Variants in FANCI observed in about 807,000 individuals in gnomAD.
The protein encoded by FANCI is FA complementation group I.
Under a neutral mutation model 176.1 loss-of-function variants are expected in FANCI, and 156 were observed. The observed-to-expected ratio is 0.89, with a 90% CI of 0.78 to 1.01. FANCI has a LOEUF of 1.01. FANCI is among the 50% of genes least tolerant of loss of function. The pLI is 0.00. For missense variants in FANCI, 1,678 were observed against 1,534.1 expected, an observed-to-expected ratio of 1.09 and a Z score of -1.57; for synonymous variants, 613 against 541.7, an observed-to-expected ratio of 1.13 and a Z score of -1.83.
chr15:89,309,644 G>T (rs970338695), intron 34 of FANCI, among the ~76,000 whole-genome samples: 1 of 152,140 alleles, frequency 6.6e-6, no homozygotes, highest in Non-Finnish European at 1.5e-5. Context: ...GATCACTTGA[G>T]CCTAGGACTT....
chr15:89,270,484 A>T (rs1319013062), intron 10 of FANCI, among the ~76,000 whole-genome samples: 1 of 152,116 alleles, frequency 6.6e-6, no homozygotes, highest in East Asian at 1.9e-4. Flanking sequence ...ATCAGTAATT[A>T]TACCAGGAAT....
At chr15:89,303,196 A>G (rs2054589232) in intron 27 of FANCI, among the ~76,000 whole-genome samples, 1 of 152,132 alleles carries the variant, frequency 6.6e-6, no homozygotes, top group Non-Finnish European at 1.5e-5. Flanking sequence ...TAGCCTCTTA[A>G]TTTACCTTTT....
At chr15:89,301,212 G>A (rs2054513927) in intron 26 of FANCI, 114 bp from the exon 27 acceptor site, 1 of 790,822 alleles carries the variant, frequency 1.3e-6, no homozygotes, top group Non-Finnish European at 2.3e-6. Flanking sequence ...TTAGAATTTT[G>A]GTAGCTTTGA....
At chr15:89,250,196 A>G (rs2052177174) in intron 2 of FANCI, among the ~76,000 whole-genome samples, 1 of 152,352 alleles carries the variant, frequency 6.6e-6, no homozygotes, top group Admixed American at 6.5e-5. Context: ...ATTACTGGGT[A>G]TATACCCAAA....
At position 89,305,131 on chromosome 15, in the gene FANCI, C is replaced by T. The variant is rs1322125426; in HGVS notation, c.3075C>T (p.Cys1025=). The T allele has an allele frequency of 3.1e-6, 5 of 1,614,180 alleles. No individual in the cohort carries two copies. The highest frequency in any genetic ancestry group is 1.1e-5 in the South Asian group (1 of 91,072). Residue 1025 remains cysteine (C), a synonymous_variant, in exon 29 of 38, where the codon TGC becomes TGT. Coordinates refer to ENST00000310775, the MANE Select transcript of FANCI (RefSeq NM_001113378.2). ...TATTCCTAGAGGATGCCTTGTTTTG[C>T]AAGAGCTTGATGAACTTGCTCTTCA... is the stretch of plus-strand genomic sequence containing the variant. ...KENSREDALF[C]KSLMNLLFSL...
chr15:89,293,581 G>C (rs181267797), intron 22 of FANCI, among the ~76,000 whole-genome samples: 1 of 152,128 alleles, frequency 6.6e-6, no homozygotes, highest in East Asian at 1.9e-4. Context: ...CTAGCTACTC[G>C]GGAGGCTGAG....
intron 6 of FANCI, among the ~76,000 whole-genome samples, chr15:89,262,426 AACTATG>A (rs2052753163): frequency 6.6e-6 from 1 of 152,186 alleles, no homozygotes; most frequent in Non-Finnish European, 1.5e-5. Flanking sequence ...GAGACATGTA[AACTATG>A]TAAGTTAAGG....
intron 18 of FANCI, among the ~76,000 whole-genome samples, chr15:89,286,849 A>C (rs1567161205): frequency 6.6e-6 from 1 of 152,190 alleles, no homozygotes; most frequent in African/African-American, 2.4e-5. Context: ...TCTTCTTCCA[A>C]TATAAGGCTA....
intron 3 of FANCI, among the ~76,000 whole-genome samples, chr15:89,259,640 T>C (rs1185961854): frequency 6.6e-6 from 1 of 152,182 alleles, no homozygotes; most frequent in Non-Finnish European, 1.5e-5. Context: ...CTCTTAGATG[T>C]CACCTCTCCA....
At chr15:89,262,340 G>C (rs6496570) in intron 6 of FANCI, among the ~76,000 whole-genome samples, 65,743 of 151,596 alleles carry the variant, frequency 0.43, 14,608 homozygotes, top group African/African-American at 0.53. Flanking sequence ...AAGAATGACT[G>C]CAACATACAA....
At chr15:89,297,267 C>T (rs2054331114) in intron 24 of FANCI, among the ~76,000 whole-genome samples, 1 of 151,722 alleles carries the variant, frequency 6.6e-6, no homozygotes, top group South Asian at 2.1e-4. Context: ...CTCCTCACTT[C>T]CCAGATGGGA....
chr15:89,272,933 C>T (rs1226415013), intron 10 of FANCI, among the ~76,000 whole-genome samples: 2 of 152,118 alleles, frequency 1.3e-5, no homozygotes, highest in Non-Finnish European at 2.9e-5. Flanking sequence ...TCCCAAAGTG[C>T]TGGCATTACA....
chr15:89,267,599 A>G (rs1483589766), intron 9 of FANCI, among the ~76,000 whole-genome samples: 2 of 152,010 alleles, frequency 1.3e-5, no homozygotes, highest in South Asian at 2.1e-4. Flanking sequence ...AGGAGAAATT[A>G]TGACTATACA....
At chr15:89,314,753 G>C (rs1596340888) in intron 36 of FANCI, 46 bp downstream of exon 36, 1 of 1,399,404 alleles carries the variant, frequency 7.1e-7, no homozygotes, top group East Asian at 2.3e-5. Flanking sequence ...TTACCTTCTT[G>C]ACAGATCTGG....
At chr15:89,264,092 T>C (rs1180968609) in intron 8 of FANCI, 66 bp downstream of exon 8, 3 of 1,582,574 alleles carry the variant, frequency 1.9e-6, no homozygotes, top group East Asian at 4.5e-5. Flanking sequence ...TTCAACTTAT[T>C]CATACCCTTG....
chr15:89,248,055 C>A (rs1489785351), intron 2 of FANCI, among the ~76,000 whole-genome samples: 1 of 152,176 alleles, frequency 6.6e-6, no homozygotes, highest in African/African-American at 2.4e-5. Flanking sequence ...AATATCCAGA[C>A]TATAGTTACT....
At position 89,260,959 on chromosome 15, in the gene FANCI, C is replaced by A. The variant is rs990004750; in HGVS notation, c.288+116C>A. On this transcript the variant is annotated intron_variant, in intron 4 of 37. Coordinates refer to ENST00000310775, the MANE Select transcript of FANCI (RefSeq NM_001113378.2). ...GCATAGTCCTTATTTATGAGTAAGA[C>A]CTGTTGTTAAAAAACAAAGAAGCAG... 27 of 1,315,778 alleles carry A rather than the reference C, an allele frequency of 2.1e-5. No homozygotes were observed. In the Admixed American group the frequency reaches 4.3e-4, roughly 21 times the overall value. 81.5% of individuals were successfully genotyped at this position (1,315,778 alleles called of 1,614,324 possible).
intron 13 of FANCI, among the ~76,000 whole-genome samples, chr15:89,277,609 C>G (rs1260552057): frequency 9.5e-6 from 1 of 104,944 alleles, no homozygotes; most frequent in African/African-American, 3.6e-5. Context: ...GAGATCCTAT[C>G]TCAAAAAAAA....
chr15:89,308,250 G>C, intron 34 of FANCI: 1 of 866,074 alleles, frequency 1.2e-6, no homozygotes, highest in Non-Finnish European at 1.4e-6. Context: ...GGGATGTTGA[G>C]TAGCATCCCT....
Sources: allele counts gnomAD v4.1 joint callset (sites outside exome capture counted in the v4.1 genomes callset), GRCh38; gene constraint gnomAD v4.1.1; transcripts MANE v1.5; gene names NCBI Gene and HGNC (gene_info 2026-07-23, HGNC 2026-07-21).